Variants in C12orf42 observed in about 807,000 individuals in gnomAD.
C12orf42 encodes uncharacterized protein C12orf42.
A neutral mutation model predicts 21.6 loss-of-function variants in C12orf42; 25 were observed. That is an observed-to-expected ratio of 1.16 (90% confidence interval 0.84 to 1.62). The LOEUF (loss-of-function observed/expected upper bound fraction) is 1.62. Among genes scored for constraint, C12orf42 ranks in the 40% most tolerant of loss-of-function variants. The pLI is 0.00. For synonymous variants in C12orf42, 174 were observed against 175.0 expected (o/e 0.99, Z 0.05); for missense variants, 483 against 459.3 (o/e 1.05, Z -0.47).
rs993720748 is a variant in C12orf42 at position 103,438,329 on chromosome 12, C to G, written c.79-36654G>C. On this transcript the variant is annotated intron_variant, in intron 2 of 5. Transcript: ENST00000548883. Reference sequence around the variant, plus strand: ...TGAATGGGCAAAAACTGGAAGCATTCCCTTTGAAAACTGGCACAAAACAGG... The same window carrying G: ...TGAATGGGCAAAAACTGGAAGCATTGCCTTTGAAAACTGGCACAAAACAGG... Among the ~76,000 whole-genome samples, 402 of 152,196 alleles carry G rather than the reference C, an allele frequency of 2.6e-3. 5 individuals are homozygous for G. Among genetic ancestry groups the G allele is most frequent in the Admixed American group, 0.022 (342 of 15,284 alleles).
chr12:103,140,600 G>A, the C12orf42 span, among the ~76,000 whole-genome samples: 1 of 152,136 alleles, frequency 6.6e-6, no homozygotes, highest in African/African-American at 2.4e-5. Flanking sequence ...AAACAGGGAG[G>A]GGGAGAGCAA....
At chr12:103,380,882 T>G (rs1207487702) in intron 3 of C12orf42, among the ~76,000 whole-genome samples, 1 of 152,158 alleles carries the variant, frequency 6.6e-6, no homozygotes, top group African/African-American at 2.4e-5. Flanking sequence ...GGAAAATGAG[T>G]GACAGAGTGG....
chr12:103,403,723 A>C (rs1206341786), intron 2 of C12orf42, among the ~76,000 whole-genome samples: 2 of 152,214 alleles, frequency 1.3e-5, no homozygotes, highest in African/African-American at 4.8e-5. Flanking sequence ...GCCCATCCCG[A>C]TAATTTGCGT....
At chr12:103,485,164 C>T (rs372817723) in intron 1 of C12orf42, among the ~76,000 whole-genome samples, 18 of 151,976 alleles carry the variant, frequency 1.2e-4, no homozygotes, top group South Asian at 1.0e-3. Context: ...CCACCGTGCC[C>T]GGCCCAGTTT....
chr12:103,539,626 CT>C, the C12orf42 span, among the ~76,000 whole-genome samples: 2 of 151,546 alleles, frequency 1.3e-5, no homozygotes, highest in African/African-American at 4.9e-5. Flanking sequence ...GTCACCAGGG[CT>C]GGAGTGCAGT....
the C12orf42 span, among the ~76,000 whole-genome samples, chr12:103,135,511 A>T: frequency 1.3e-5 from 2 of 152,182 alleles, no homozygotes; most frequent in African/African-American, 4.8e-5. Flanking sequence ...TGTTACCATC[A>T]TAGATGTTAC....
chr12:103,279,970 G>C (rs2036004365), intron 4 of C12orf42, among the ~76,000 whole-genome samples: 2 of 152,154 alleles, frequency 1.3e-5, no homozygotes, highest in African/African-American at 4.8e-5. Context: ...TCCATTTGTT[G>C]ATCAGGAAAC....
At chr12:103,344,008 G>T (rs905650196) in intron 4 of C12orf42, among the ~76,000 whole-genome samples, 3 of 152,120 alleles carry the variant, frequency 2.0e-5, no homozygotes, top group Non-Finnish European at 4.4e-5. Context: ...TACAATGAAA[G>T]ACATTGATCT....
At chr12:103,517,521 C>G in the C12orf42 span, among the ~76,000 whole-genome samples, 2 of 152,144 alleles carry the variant, frequency 1.3e-5, no homozygotes, top group African/African-American at 2.4e-5. Context: ...CAGGAGCCAC[C>G]TGATGGATTA....
chr12:103,468,278 T>G (rs1953298727), intron 2 of C12orf42, among the ~76,000 whole-genome samples: 1 of 152,184 alleles, frequency 6.6e-6, no homozygotes, highest in South Asian at 2.1e-4. Context: ...ATGCTAACAT[T>G]CAAAGAGGAA....
chr12:103,077,223 A>G, the C12orf42 span, among the ~76,000 whole-genome samples: 1 of 152,238 alleles, frequency 6.6e-6, no homozygotes. Flanking sequence ...GGAAGCATTG[A>G]ATTTAAATTG....
At chr12:103,186,455 T>A in the C12orf42 span, among the ~76,000 whole-genome samples, 1 of 152,218 alleles carries the variant, frequency 6.6e-6, no homozygotes, top group Non-Finnish European at 1.5e-5. Flanking sequence ...AAATTTGAGC[T>A]GACATGCGTT....
the C12orf42 span, among the ~76,000 whole-genome samples, chr12:103,136,534 T>C: frequency 6.7e-6 from 1 of 148,488 alleles, no homozygotes; most frequent in Non-Finnish European, 1.5e-5. Flanking sequence ...AGAAAAACAG[T>C]CCTAAAATGT....
intron 3 of C12orf42, among the ~76,000 whole-genome samples, chr12:103,387,174 C>T (rs995514922): frequency 3.9e-5 from 6 of 152,218 alleles, no homozygotes; most frequent in Admixed American, 1.3e-4. Flanking sequence ...CTTCCTTTCA[C>T]CTGCTCTAGT....
intron 4 of C12orf42, among the ~76,000 whole-genome samples, chr12:103,283,581 A>G (rs1811366150): frequency 6.6e-6 from 1 of 152,050 alleles, no homozygotes; most frequent in Non-Finnish European, 1.5e-5. Context: ...ATGCCAGCTC[A>G]TTTTCCTCTC....
At chr12:103,287,215 A>G (rs1368316290) in intron 4 of C12orf42, among the ~76,000 whole-genome samples, 2 of 152,240 alleles carry the variant, frequency 1.3e-5, no homozygotes, top group East Asian at 1.9e-4. Context: ...TATATACCCA[A>G]AGGATTATAA....
intron 2 of C12orf42, among the ~76,000 whole-genome samples, chr12:103,405,074 C>G (rs2048324470): frequency 6.6e-6 from 1 of 152,164 alleles, no homozygotes; most frequent in Admixed American, 6.5e-5. Context: ...TTGACCACAG[C>G]CTTTTATTCA....
chr12:103,182,314 G>A, the C12orf42 span, among the ~76,000 whole-genome samples: 1 of 152,140 alleles, frequency 6.6e-6, no homozygotes, highest in African/African-American at 2.4e-5. Context: ...TGAGGTTAAG[G>A]CATTATGTTA....
At chr12:103,184,722 C>A in the C12orf42 span, among the ~76,000 whole-genome samples, 5 of 102,622 alleles carry the variant, frequency 4.9e-5, no homozygotes, top group Admixed American at 1.0e-4. Flanking sequence ...CCCCCCCCCC[C>A]CCAAATATAT....
Sources: allele counts gnomAD v4.1 joint callset (sites outside exome capture counted in the v4.1 genomes callset), GRCh38; gene constraint gnomAD v4.1.1; transcripts MANE v1.5; gene names NCBI Gene and HGNC (gene_info 2026-07-23, HGNC 2026-07-21).